The following ATP6V1B2 variants were observed in gnomAD, a reference collection of about 807,000 sequenced individuals.
ATP6V1B2 encodes the protein ATPase H+ transporting V1 subunit B2.
ATP6V1B2 carries 23 observed loss-of-function variants against 66.7 expected under a neutral mutation model. The observed-to-expected ratio is 0.34, with a 90% CI of 0.25 to 0.49. ATP6V1B2 has a LOEUF of 0.49. Among genes scored for constraint, ATP6V1B2 ranks in the 20% least tolerant of loss-of-function variants. The pLI is 0.99. For missense variants in ATP6V1B2, 478 were observed against 650.8 expected, an observed-to-expected ratio of 0.73 and a Z score of 2.89; for synonymous variants, 278 against 236.7, an observed-to-expected ratio of 1.17 and a Z score of -1.60.
intron 12 of ATP6V1B2, among the ~76,000 whole-genome samples, chr8:20,217,906 A>G (rs1348640864): frequency 6.6e-6 from 1 of 152,226 alleles, no homozygotes; most frequent in South Asian, 2.1e-4. Context: ...TGAGCTCATT[A>G]ACATATTGAA....
intron 11 of ATP6V1B2, 152 bp downstream of exon 11, chr8:20,216,647 T>G (rs2072857308): frequency 1.5e-6 from 1 of 647,056 alleles, no homozygotes; most frequent in Non-Finnish European, 2.5e-6. Flanking sequence ...TTCTATTATC[T>G]TAAATTCTGG....
chr8:20,218,128 T>C (rs886395783), intron 12 of ATP6V1B2, 25 bp from the exon 13 acceptor site: 2 of 1,609,884 alleles, frequency 1.2e-6, no homozygotes, highest in Non-Finnish European at 1.7e-6. Flanking sequence ...TTCTCTCTGC[T>C]GATGGGTGCC....
rs1306436088 is a variant in ATP6V1B2, at chr8:20,211,289, C to T, written c.576C>T (p.Phe192=). 1.9e-6 allele frequency: 3 copies of T among 1,613,200 alleles called. No homozygotes were observed. The highest frequency in any genetic ancestry group is 2.5e-6 in the Non-Finnish European group (3 of 1,179,704). ...SIARGQKIPI[F]SAAGLPHNEI... ...CTAGGGGGCAGAAAATTCCTATCTT[C>T]TCTGCTGCTGGGCTACCACACAATG... The change falls in exon 6 of 14, where the codon TTC becomes TTT. Residue 192 remains phenylalanine (F), a synonymous_variant. Coordinates refer to ENST00000276390, the MANE Select transcript of ATP6V1B2 (RefSeq NM_001693.4).
chr8:20,215,762 A>G (rs2072848282), intron 10 of ATP6V1B2: 1 of 152,188 alleles, frequency 6.6e-6, no homozygotes, highest in Non-Finnish European at 1.5e-5. Flanking sequence ...GTTCCAAGGG[A>G]GTAGCTACAA....
chr8:20,209,264 G>A (rs1050588431), intron 2 of ATP6V1B2, among the ~76,000 whole-genome samples, 169 bp from the exon 3 acceptor site: 4 of 152,184 alleles, frequency 2.6e-5, no homozygotes, highest in Non-Finnish European at 5.9e-5. Context: ...GATGTTTGCT[G>A]TAAGGACTTA....
At chr8:20,201,525 C>T (rs368960516) in intron 1 of ATP6V1B2, among the ~76,000 whole-genome samples, 6 of 152,210 alleles carry the variant, frequency 3.9e-5, no homozygotes, top group African/African-American at 1.4e-4. Flanking sequence ...TTTTTGTCCC[C>T]ACTTGTAGTC....
In ATP6V1B2 at chr8:20,212,195, C is replaced by T; in HGVS notation, c.799C>T (p.Pro267Ser). 6.2e-7 allele frequency: 1 copy of T among 1,612,858 alleles called. No homozygotes were observed. Among genetic ancestry groups the T allele is most frequent in the Non-Finnish European group, 8.5e-7 (1 of 1,179,228 alleles). ...VCLFLNLAND[P>S]TIERIITPRL... ...CCTCTTTTTGAACTTGGCTAATGACCCAACGTAAGTAACAGAGCTATTTCT... is the reference window on the plus strand; with the variant it reads ...CCTCTTTTTGAACTTGGCTAATGACTCAACGTAAGTAACAGAGCTATTTCT... Residue 267 changes from proline (P) to serine (S), a missense_variant, in exon 8 of 14, where the codon CCA (proline) becomes TCA (serine). By Grantham distance (74) the Pro-to-Ser change is moderately conservative. Coordinates refer to ENST00000276390, the MANE Select transcript of ATP6V1B2 (RefSeq NM_001693.4).
In ATP6V1B2 at chr8:20,211,953, G is replaced by C. The variant is rs963499884; in HGVS notation, c.706-149G>C. On this transcript the variant is annotated intron_variant, in intron 7 of 13. Coordinates refer to ENST00000276390, the MANE Select transcript of ATP6V1B2 (RefSeq NM_001693.4). ...ATAATATTGTTTGTGCCCCAAACCG[G>C]CTCTTTGTTCTGTTGGTTTTTGTGA... 34 of 833,806 alleles carry C rather than the reference G, an allele frequency of 4.1e-5. No homozygotes were observed. The Admixed American group carries it at 8.0e-4, about 20-fold the overall frequency. The allele number at this position is 833,806 out of a possible 1,614,324, so 51.7% of individuals were successfully genotyped here.
intron 1 of ATP6V1B2, among the ~76,000 whole-genome samples, chr8:20,202,386 C>G (rs1235441192): frequency 6.6e-6 from 1 of 152,148 alleles, no homozygotes; most frequent in Non-Finnish European, 1.5e-5. Context: ...ATAATGATAG[C>G]TAACTCTGTC....
At chr8:20,217,464 A>T in intron 12 of ATP6V1B2, 140 bp downstream of exon 12, 1 of 708,048 alleles carries the variant, frequency 1.4e-6, no homozygotes, top group South Asian at 1.8e-5. Context: ...GGAATACATA[A>T]TCATTCATTA....
intron 1 of ATP6V1B2, among the ~76,000 whole-genome samples, chr8:20,199,535 A>G (rs2072662727): frequency 2.7e-5 from 4 of 148,598 alleles, no homozygotes; most frequent in Admixed American, 1.3e-4. Flanking sequence ...ATTTTGCCAT[A>G]TTTTTTATTC....
intron 2 of ATP6V1B2, among the ~76,000 whole-genome samples, 193 bp from the exon 3 acceptor site, chr8:20,209,240 G>C (rs989766048): frequency 6.6e-6 from 1 of 152,136 alleles, no homozygotes; most frequent in Non-Finnish European, 1.5e-5. Context: ...TTGTTTGCTA[G>C]TATATGTGAC....
intron 2 of ATP6V1B2, among the ~76,000 whole-genome samples, chr8:20,207,545 A>G (rs886585918): frequency 6.6e-6 from 1 of 152,106 alleles, no homozygotes; most frequent in African/African-American, 2.4e-5. Context: ...CATTGTGCGC[A>G]TGTACCCTAA....
chr8:20,205,224 A>G (rs1199964367), intron 2 of ATP6V1B2, among the ~76,000 whole-genome samples: 2 of 152,152 alleles, frequency 1.3e-5, no homozygotes, highest in Admixed American at 6.5e-5. Context: ...TCTTTGTGAA[A>G]TAAACTTTTG....
At chr8:20,215,791 A>T (rs928056922) in intron 10 of ATP6V1B2, 2 of 152,184 alleles carry the variant, frequency 1.3e-5, no homozygotes, top group African/African-American at 4.8e-5. Flanking sequence ...AATTTAACAG[A>T]TTTGGAAATG....
chr8:20,208,130 A>G (rs79915075), intron 2 of ATP6V1B2, among the ~76,000 whole-genome samples: 15,177 of 152,236 alleles, frequency 0.1, 851 homozygotes, highest in Admixed American at 0.16. Context: ...TCCTTTGCAG[A>G]GTTAATTTGG....
chr8:20,219,179 G>C (rs1160159851), intron 13 of ATP6V1B2, among the ~76,000 whole-genome samples: 1 of 152,158 alleles, frequency 6.6e-6, no homozygotes, highest in African/African-American at 2.4e-5. Context: ...AGATGCAGCA[G>C]ACCTTGGTGG....
At chr8:20,207,954 T>G (rs536686857) in intron 2 of ATP6V1B2, among the ~76,000 whole-genome samples, 2 of 152,340 alleles carry the variant, frequency 1.3e-5, no homozygotes, top group Admixed American at 6.5e-5. Flanking sequence ...TTGACAATGA[T>G]AAGCATGGGA....
chr8:20,199,690 A>G (rs1174421662), intron 1 of ATP6V1B2, among the ~76,000 whole-genome samples: 1 of 144,958 alleles, frequency 6.9e-6, no homozygotes, highest in Admixed American at 7.2e-5. Flanking sequence ...GGCTCGCTGC[A>G]ACCTCCGCCT....
Sources: gnomAD v4.1 joint callset for allele counts (sites outside exome capture counted in the v4.1 genomes callset) on GRCh38, gnomAD v4.1.1 for gene constraint, MANE v1.5 for transcripts, NCBI Gene and HGNC (gene_info 2026-07-23, HGNC 2026-07-21) for gene names.